Variants in DNAH10 observed in about 807,000 individuals in gnomAD.
DNAH10 encodes dynein axonemal heavy chain 10, also known as axonemal beta dynein heavy chain 10.
A neutral mutation model predicts 506.6 loss-of-function variants in DNAH10; 348 were observed. That is an observed-to-expected ratio of 0.69 (90% CI 0.63 to 0.75). The LOEUF is 0.75. Ranked by LOEUF, DNAH10 falls within the 30% of genes least tolerant of loss-of-function variation. The probability of loss-of-function intolerance (pLI) is 0.00; values close to 1 mark genes in which losing one functional copy is unlikely to be tolerated. For missense variants in DNAH10, 5,179 were observed against 5,787.1 expected, an observed-to-expected ratio of 0.89 and a Z score of 3.41; for synonymous variants, 2,059 against 2,198.6, an observed-to-expected ratio of 0.94 and a Z score of 1.78.
chr12:123,815,574 C>T (rs1041205565), intron 21 of DNAH10, among the ~76,000 whole-genome samples: 4 of 152,210 alleles, frequency 2.6e-5, no homozygotes, highest in East Asian at 1.9e-4. Flanking sequence ...AGGGGAAATC[C>T]GTGTCTTGTT....
chr12:123,931,706 G>C lies in DNAH10; in HGVS notation c.12987G>C (p.Met4329Ile). 6.2e-7 allele frequency: 1 copy of C among 1,614,030 alleles called. No individual in the cohort carries two copies. Among genetic ancestry groups the C allele is most frequent in the African/African-American group, 1.3e-5 (1 of 75,066 alleles). Residue 4329 changes from methionine to isoleucine, a missense_variant, in exon 75 of 79, where the codon ATG becomes ATC. Transcript: ENST00000673944. Reference protein sequence around the residue: ...GQVAKEIENKMPKVFDLDQVR... With the variant: ...GQVAKEIENKIPKVFDLDQVR... ...TGGCCAAAGAAATAGAAAACAAGAT[G>C]CCCAAAGTCTTTGACTTGGACCAGG...
rs771650362 is a variant in DNAH10 at position 123,867,549 on chromosome 12, G to T, written c.7250G>T (p.Gly2417Val). ...MDVIVEGIVD[G>V]RQAEKLKTIV... The stretch of plus-strand genomic sequence containing the variant: ...GTGATAGTGGAAGGAATTGTGGATG[G>T]AAGACAAGCAGAAAAGCTGAAGACA... The change falls in exon 42 of 79, where the codon GGA becomes GTA. Residue 2417 changes from glycine to valine, a missense_variant. By Grantham distance (109) the Gly-to-Val change is moderately radical. Around this residue, in one of 3 missense-constraint regions of DNAH10, gnomAD observed 4,844 missense variants for 5,430.5 expected, o/e 0.89. Transcript: ENST00000673944. 9 of 1,614,002 alleles carry T rather than the reference G, an allele frequency of 5.6e-6. No homozygotes were observed. Among genetic ancestry groups the T allele is most frequent in the Non-Finnish European group, 6.8e-6 (8 of 1,179,898 alleles).
intron 56 of DNAH10, 137 bp downstream of exon 56, chr12:123,898,951 C>T (rs933355863): frequency 2.3e-5 from 31 of 1,319,528 alleles, no homozygotes; most frequent in Non-Finnish European, 3.0e-5. Context: ...TGCTTGTAGG[C>T]ACTGAGCGTG....
rs760334793 is a variant in DNAH10, at chr12:123,929,413, G to A, written c.12445G>A (p.Val4149Met). ...VYVLAFFHAV[V>M]QERRKFGKIG... Reference sequence around the variant, plus strand: ...CGTGCTGGCGTTCTTTCATGCTGTGGTGCAGGAGAGAAGGAAGTTTGGGAA... The same window carrying A: ...CGTGCTGGCGTTCTTTCATGCTGTGATGCAGGAGAGAAGGAAGTTTGGGAA... The change falls in exon 71 of 79, where the codon GTG becomes ATG. Residue 4149 changes from valine to methionine, a missense_variant. This residue lies in a region of DNAH10 where 4,844 missense variants were observed against 5,430.5 expected (regional missense o/e 0.89). Transcript: ENST00000673944. 1.5e-5 allele frequency: 25 copies of A among 1,613,754 alleles called. No homozygotes were observed. The highest frequency in any genetic ancestry group is 1.9e-5 in the Non-Finnish European group (22 of 1,179,838).
rs776663160 is a variant in DNAH10, at chr12:123,877,809, T to C, written c.8273T>C (p.Val2758Ala). The stretch of plus-strand genomic sequence containing the variant: ...ACGCTAGCACTTTACAAAAATATTG[T>C]GCAAGACCTACCTCCCACTCCGTCA... ...FCTLALYKNI[V>A]QDLPPTPSKF... is the part of the protein sequence containing the mutation. Residue 2758 changes from valine to alanine, a missense_variant, in exon 48 of 79, where the codon GTG becomes GCG. Transcript: ENST00000673944. 115 of 1,613,914 alleles carry C rather than the reference T, an allele frequency of 7.1e-5. No homozygotes were observed. The highest frequency in any genetic ancestry group is 8.6e-5 in the Non-Finnish European group (102 of 1,179,902).
In DNAH10 at chr12:123,910,672, G is replaced by A. The variant is rs1476752658; in HGVS notation, c.10134G>A (p.Lys3378=). The change falls in exon 59 of 79, where the codon AAG becomes AAA. Residue 3378 remains lysine (K), a splice_region_variant and synonymous_variant. Coordinates refer to ENST00000673944, the MANE Select transcript of DNAH10 (RefSeq NM_001372106.1). ...GAGAAATCAAGCCCAAAAGAGAGAA[G>A]GTATTGCCCGAATGTAAGACTGCCA... is the stretch of plus-strand genomic sequence containing the variant. ...VFREIKPKRE[K]VARLERNFYL... is the part of the protein sequence containing the mutation. 1 of 1,610,296 alleles carries A rather than the reference G, an allele frequency of 6.2e-7. No homozygotes were observed. Among genetic ancestry groups the A allele is most frequent in the Non-Finnish European group, 8.5e-7 (1 of 1,179,548 alleles).
intron 5 of DNAH10, among the ~76,000 whole-genome samples, chr12:123,776,879 G>A (rs1184991887): frequency 6.6e-6 from 1 of 152,060 alleles, no homozygotes; most frequent in African/African-American, 2.4e-5. Flanking sequence ...ACAGGAAGAT[G>A]TACATTAACC....
intron 24 of DNAH10, among the ~76,000 whole-genome samples, chr12:123,825,364 C>T (rs1002173511): frequency 2.0e-5 from 3 of 152,130 alleles, no homozygotes; most frequent in African/African-American, 7.2e-5. Context: ...TTGGTAATAG[C>T]CCAATACTAG....
rs368312866 is a variant in DNAH10, at chr12:123,931,333, G to A, written c.12785-8G>A. ...CAGTGCCACCTCCGTTGTTCTCTGT[G>A]ATTGCAGAAGCCATCGAGGCCCTCC... On this transcript the variant is annotated splice_polypyrimidine_tract_variant and splice_region_variant and intron_variant, in intron 73 of 78. Transcript: ENST00000673944. 40 of 1,613,268 alleles carry A rather than the reference G, an allele frequency of 2.5e-5. No homozygotes were observed. The highest frequency in any genetic ancestry group is 2.3e-4 in the African/African-American group (17 of 75,050).
intron 3 of DNAH10, 42 bp from the exon 4 acceptor site, chr12:123,772,792 A>G (rs768285685): frequency 5.6e-6 from 8 of 1,428,328 alleles, no homozygotes; most frequent in Middle Eastern, 1.8e-4. Context: ...AGGTGAATGG[A>G]TGTATCACAA....
intron 43 of DNAH10, among the ~76,000 whole-genome samples, chr12:123,869,362 A>T (rs959747771): frequency 4.6e-5 from 7 of 152,086 alleles, no homozygotes; most frequent in African/African-American, 1.4e-4. Context: ...GCTCTGCTGA[A>T]TCCCTCCGAG....
intron 57 of DNAH10, among the ~76,000 whole-genome samples, chr12:123,905,964 C>A (rs1476347162): frequency 6.6e-6 from 1 of 151,954 alleles, no homozygotes; most frequent in Admixed American, 6.6e-5. Context: ...GTCACCCAGG[C>A]TGGAGTGCAG....
intron 56 of DNAH10, among the ~76,000 whole-genome samples, chr12:123,901,033 G>A (rs775795006): frequency 8.5e-5 from 13 of 152,328 alleles, no homozygotes; most frequent in Non-Finnish European, 1.5e-4. Flanking sequence ...GGGTAGGGTG[G>A]AGTGCAAACA....
intron 45 of DNAH10, 124 bp from the exon 46 acceptor site, chr12:123,873,434 G>A (rs1197641626): frequency 1.8e-6 from 2 of 1,087,872 alleles, no homozygotes; most frequent in African/African-American, 3.2e-5. Context: ...CTCACACTGG[G>A]TTATTAAAAA....
At chr12:123,771,759 T>C in intron 3 of DNAH10, 61 bp downstream of exon 3, 2 of 1,397,438 alleles carry the variant, frequency 1.4e-6, no homozygotes, top group South Asian at 2.5e-5. Flanking sequence ...CCCTCTAGGA[T>C]TCAGGGTAAC....
At chr12:123,872,300 G>A (rs1342119838) in intron 45 of DNAH10, among the ~76,000 whole-genome samples, 2 of 152,134 alleles carry the variant, frequency 1.3e-5, no homozygotes, top group Non-Finnish European at 2.9e-5. Context: ...GTTCTGTAGG[G>A]ATTTGCAGGC....
Position 123,790,004 on chromosome 12 carries a change from C to G in DNAH10, c.1698C>G (p.Val566=), listed in dbSNP as rs200159321. The G allele has an allele frequency of 4.3e-6, 7 of 1,614,180 alleles. No homozygotes were observed. Among genetic ancestry groups the G allele is most frequent in the Non-Finnish European group, 5.1e-6 (6 of 1,180,034 alleles). Residue 566 remains valine, a synonymous_variant, in exon 11 of 79, where the codon GTC becomes GTG. Coordinates refer to ENST00000673944, the MANE Select transcript of DNAH10 (RefSeq NM_001372106.1). ...GGGACCCCAAGCGCATTGATGATGT[C>G]CTATGCAGAGTGGACGGCCTAGTCA... ...VTGDPKRIDD[V]LCRVDGLVTP... is the part of the protein sequence containing the mutation.
chr12:123,835,029 C>G (rs1468276766), intron 27 of DNAH10, among the ~76,000 whole-genome samples: 1 of 152,190 alleles, frequency 6.6e-6, no homozygotes, highest in Non-Finnish European at 1.5e-5. Context: ...TCTTTTGGGT[C>G]AATACCTAGG....
chr12:123,884,604 C>T (rs772815610), intron 51 of DNAH10, among the ~76,000 whole-genome samples: 2 of 152,312 alleles, frequency 1.3e-5, no homozygotes, highest in South Asian at 2.1e-4. Flanking sequence ...TAATCCCATT[C>T]GTGAGGGCTC....
Sources: gnomAD v4.1 joint callset for allele counts (sites outside exome capture counted in the v4.1 genomes callset) on GRCh38, gnomAD v4.1.1 for gene constraint, gnomAD v4.1.1 regional missense constraint, MANE v1.5 for transcripts, NCBI Gene and HGNC (gene_info 2026-07-23, HGNC 2026-07-21) for gene names.